PTH1R: variants seen among roughly 807,000 people sequenced by gnomAD.
The protein encoded by PTH1R is parathyroid hormone/parathyroid hormone-related peptide receptor.
PTH1R carries 32 observed loss-of-function variants against 70.7 expected under a neutral mutation model. The ratio of observed to expected loss-of-function variants is 0.45; its 90% CI spans 0.34 to 0.61. The LOEUF (loss-of-function observed/expected upper bound fraction) is 0.61. PTH1R is among the 20% of genes least tolerant of loss of function. The pLI, the probability that PTH1R is intolerant of heterozygous loss-of-function variation, is 0.01. For synonymous variants in PTH1R, 329 were observed against 324.8 expected, an observed-to-expected ratio of 1.01 and a Z score of -0.14; for missense variants, 626 against 792.5, an observed-to-expected ratio of 0.79 and a Z score of 2.52.
chr3:46,880,658 C>G (rs555046500), intron 1 of PTH1R, among the ~76,000 whole-genome samples: 1 of 151,962 alleles, frequency 6.6e-6, no homozygotes, highest in African/African-American at 2.4e-5. Flanking sequence ...GCCTGGGAAG[C>G]GGAGGTTGCA....
At position 46,902,683 on chromosome 3, in the gene PTH1R, C is replaced by A; in HGVS notation, c.1353+16C>A. On this transcript the variant is annotated intron_variant, in intron 14 of 15. Coordinates refer to ENST00000449590, the MANE Select transcript of PTH1R (RefSeq NM_000316.3). This position sits in a 1 kb window ranked among gnomAD's most constrained non-coding sequence, Gnocchi z 5.4. ...CTCCTTCCAGGTGCGCAGTGCTGGC[C>A]CGGGCCTGGCTGAGGGTGGGAGGGG... is the stretch of plus-strand genomic sequence containing the variant. The A allele has an allele frequency of 6.2e-7, 1 of 1,614,094 alleles. No homozygotes were observed.
At chr3:46,889,833 A>T (rs1481804895) in intron 3 of PTH1R, among the ~76,000 whole-genome samples, 3 of 152,136 alleles carry the variant, frequency 2.0e-5, no homozygotes, top group African/African-American at 7.2e-5. Context: ...CCTGAGACCC[A>T]AGATCTGCAG....
Position 46,902,840 on chromosome 3 carries a change from G to A in PTH1R, c.1395+50G>A. On this transcript the variant is annotated intron_variant, in intron 15 of 15. Coordinates refer to ENST00000449590, the MANE Select transcript of PTH1R (RefSeq NM_000316.3). This position sits in a 1 kb window ranked among gnomAD's most constrained non-coding sequence, Gnocchi z 5.4. ...AGGGCAGGGTGGGGCAGATACCCCA[G>A]AGGCTTCCTCAAGGCTCATTTCTCC... is the stretch of plus-strand genomic sequence containing the variant. 6.2e-7 allele frequency: 1 copy of A among 1,607,786 alleles called. No individual in the cohort carries two copies. The highest frequency in any genetic ancestry group is 2.2e-5 in the East Asian group (1 of 44,860).
intron 7 of PTH1R, 27 bp from the exon 8 acceptor site, chr3:46,898,351 G>A (rs1480852521): frequency 1.2e-6 from 2 of 1,609,992 alleles, no homozygotes; most frequent in Admixed American, 1.7e-5. Flanking sequence ...CCAGGGCTCT[G>A]ACTGTGTCTC....
At chr3:46,885,380 T>A (rs1426639837) in intron 3 of PTH1R, among the ~76,000 whole-genome samples, 3 of 152,214 alleles carry the variant, frequency 2.0e-5, no homozygotes, top group Non-Finnish European at 4.4e-5. Context: ...CTACTTGCCA[T>A]TGTTCTAAGC....
chr3:46,878,307 C>T (rs1337335387), intron 1 of PTH1R, among the ~76,000 whole-genome samples: 1 of 152,220 alleles, frequency 6.6e-6, no homozygotes, highest in South Asian at 2.1e-4. Flanking sequence ...CTAGCCATCC[C>T]CTCCCCTACT....
rs1273890920 is a variant in PTH1R at position 46,901,022 on chromosome 3, C to T, written c.989-3C>T. 2.5e-6 allele frequency: 4 copies of T among 1,581,168 alleles called. No individual in the cohort carries two copies. Among genetic ancestry groups the T allele is most frequent in the Non-Finnish European group, 3.4e-6 (4 of 1,162,086 alleles). On this transcript the variant is annotated splice_region_variant and splice_polypyrimidine_tract_variant and intron_variant, in intron 10 of 15. Transcript: ENST00000449590. This position sits in a 1 kb window ranked among gnomAD's most constrained non-coding sequence, Gnocchi z 7.3. Reference sequence around the variant, plus strand: ...TGCACACTGTCCCCCTCTGTGCCCACAGGTCTGCCCGCTGTCTTCGTGGCT... The same window carrying T: ...TGCACACTGTCCCCCTCTGTGCCCATAGGTCTGCCCGCTGTCTTCGTGGCT...
Position 46,902,403 on chromosome 3 carries a change from T to C in PTH1R, c.1212-123T>C, listed in dbSNP as rs1348267489. ...GCAGGTGAACTGGGTTGTCCTCCCA[T>C]GGTGACTGGAGCCCTGGGCCCCTTT... On this transcript the variant is annotated intron_variant, in intron 13 of 15. Transcript: ENST00000449590. The surrounding 1 kb of genome is among the most constrained non-coding windows in gnomAD (Gnocchi z 5.4). 2 of 1,328,536 alleles carry C rather than the reference T, an allele frequency of 1.5e-6. No individual in the cohort carries two copies. Among genetic ancestry groups the C allele is most frequent in the African/African-American group, 2.9e-5 (2 of 68,636 alleles). The allele number at this position is 1,328,536 out of a possible 1,614,324, so 82.3% of individuals were successfully genotyped here. A position where few individuals can be genotyped will look rare whatever the true frequency, so the allele number is the denominator to read the frequency against.
chr3:46,887,456 G>GAAA (rs771034289), intron 3 of PTH1R, among the ~76,000 whole-genome samples: 4 of 63,916 alleles, frequency 6.3e-5, no homozygotes, highest in African/African-American at 1.6e-4. Flanking sequence ...CCCTGTCTCT[G>GAAA]AAAAAAAAAA....
At chr3:46,881,755 G>A (rs910897308) in intron 2 of PTH1R, among the ~76,000 whole-genome samples, 18 of 152,074 alleles carry the variant, frequency 1.2e-4, no homozygotes, top group African/African-American at 4.3e-4. Flanking sequence ...CAGCAGCCAA[G>A]CCGGGCTCGG....
rs1196437635 is a variant in PTH1R, at chr3:46,891,447, T to G, written c.76-2460T>G. ...ACCCCCAGTCATATCAGTAGGCTGGTCTGTCTGTTGGGAGGCCCAGGGAGT... is the reference window on the plus strand; with the variant it reads ...ACCCCCAGTCATATCAGTAGGCTGGGCTGTCTGTTGGGAGGCCCAGGGAGT... On this transcript the variant is annotated intron_variant, in intron 3 of 15. Coordinates refer to ENST00000449590, the MANE Select transcript of PTH1R (RefSeq NM_000316.3). This position sits in a 1 kb window ranked among gnomAD's most constrained non-coding sequence, Gnocchi z 4.3. Among the ~76,000 whole-genome samples the G allele has an allele frequency of 6.6e-6, 1 of 152,242 alleles. No homozygotes were observed.
At position 46,893,206 on chromosome 3, in the gene PTH1R, A is replaced by C. The variant is rs1224642322; in HGVS notation, c.76-701A>C. ...CAGGAGTGAGGGCCTGAGTGTCATC[A>C]GAACTCCGAGTCTGGATGGAGGGAG... is the stretch of plus-strand genomic sequence containing the variant. On this transcript the variant is annotated intron_variant, in intron 3 of 15. Coordinates refer to ENST00000449590, the MANE Select transcript of PTH1R (RefSeq NM_000316.3). The surrounding 1 kb of genome is among the most constrained non-coding windows in gnomAD (Gnocchi z 5.2). Among the ~76,000 whole-genome samples the C allele has an allele frequency of 6.6e-6, 1 of 152,070 alleles. No individual in the cohort carries two copies. Among genetic ancestry groups the C allele is most frequent in the Non-Finnish European group, 1.5e-5 (1 of 67,996 alleles).
chr3:46,898,234 A>G (rs766868493), intron 7 of PTH1R, 42 bp downstream of exon 7: 38 of 1,602,910 alleles, frequency 2.4e-5, no homozygotes, highest in South Asian at 1.4e-4. Context: ...GGATAAATTC[A>G]CTCCCACCCC....
In PTH1R at chr3:46,898,390, C is replaced by T. The variant is rs374844210; in HGVS notation, c.556C>T (p.Arg186Cys). Reference protein sequence around the residue: ...NETREREVFDRLGMIYTVGYS... With the variant: ...NETREREVFDCLGMIYTVGYS... ...CCGCCCCGCACAGGAGGTGTTTGAC[C>T]GCCTGGGCATGATTTACACCGTGGG... Residue 186 changes from arginine to cysteine, a missense_variant, in exon 8 of 16, where the codon CGC becomes TGC. By Grantham distance (180) the Arg-to-Cys change is radical. Around this residue, in one of 3 missense-constraint regions of PTH1R, gnomAD observed 495 missense variants for 638.7 expected, o/e 0.77. Transcript: ENST00000449590. 6.2e-7 allele frequency: 1 copy of T among 1,613,908 alleles called. No individual in the cohort carries two copies. Among genetic ancestry groups the T allele is most frequent in the South Asian group, 1.1e-5 (1 of 91,052 alleles).
rs2030917697 is a variant in PTH1R at position 46,884,922 on chromosome 3, C to G, written c.75+1288C>G. Among the ~76,000 whole-genome samples the G allele has an allele frequency of 6.6e-6, 1 of 152,180 alleles. No homozygotes were observed. Among genetic ancestry groups the G allele is most frequent in the Non-Finnish European group, 1.5e-5 (1 of 68,034 alleles). ...CTTCCCACTTACCTGTGCCTACACC[C>G]TCACAATTCTGGCCCCAGCAAAGGC... is the stretch of plus-strand genomic sequence containing the variant. On this transcript the variant is annotated intron_variant, in intron 3 of 15. Transcript: ENST00000449590. This position sits in a 1 kb window ranked among gnomAD's most constrained non-coding sequence, Gnocchi z 4.8.
At position 46,897,867 on chromosome 3, in the gene PTH1R, T is replaced by C. The variant is rs1388243002; in HGVS notation, c.326T>C (p.Leu109Pro). The change falls in exon 6 of 16, where the codon CTG becomes CCG. Residue 109 changes from leucine (L) to proline (P), a missense_variant. Physicochemically the swap from Leu to Pro is moderately conservative, Grantham distance 98 (BLOSUM62 -3). This residue lies in a region of PTH1R where 8 missense variants were observed against 28.0 expected (regional missense o/e 0.29). Transcript: ENST00000449590. ...TGSRYRGRPC[L>P]PEWDHILCWP... is the part of the protein sequence containing the mutation. ...TCTCTGGGCACAGGGCGCCCCTGTC[T>C]GCCGGAATGGGACCACATCCTGTGC... 6.2e-7 allele frequency: 1 copy of C among 1,613,132 alleles called. No homozygotes were observed. The highest frequency in any genetic ancestry group is 2.2e-5 in the East Asian group (1 of 44,894).
Position 46,883,955 on chromosome 3 carries a change from G to GC in PTH1R, c.75+322dup, listed in dbSNP as rs2030845930. Among the ~76,000 whole-genome samples the GC allele has an allele frequency of 6.6e-6, 1 of 152,236 alleles. No individual in the cohort carries two copies. The highest frequency in any genetic ancestry group is 1.5e-5 in the Non-Finnish European group (1 of 68,048). On this transcript the variant is annotated intron_variant, in intron 3 of 15. Coordinates refer to ENST00000449590, the MANE Select transcript of PTH1R (RefSeq NM_000316.3). The surrounding 1 kb of genome is among the most constrained non-coding windows in gnomAD (Gnocchi z 6.4). The stretch of plus-strand genomic sequence containing the variant: ...AGATGACAGTGTGACCCAACAGAAG[G>GC]CTGGGCTTTGGCCCTGCTGCGTACT...
chr3:46,882,952 G>A lies in PTH1R; in HGVS notation c.-48-560G>A, dbSNP rs2030713814. Among the ~76,000 whole-genome samples the A allele has an allele frequency of 1.3e-5, 2 of 151,596 alleles. No individual in the cohort carries two copies. Among genetic ancestry groups the A allele is most frequent in the Admixed American group, 1.3e-4 (2 of 15,268 alleles). On this transcript the variant is annotated intron_variant, in intron 2 of 15. Transcript: ENST00000449590. The surrounding 1 kb of genome is among the most constrained non-coding windows in gnomAD (Gnocchi z 4.3). ...TCAGTGTGGCTGCAAAGTTGAGATC[G>A]CACCCCCTAACTGCACGCCCCGCGC...
At chr3:46,888,579 G>A (rs2031185748) in intron 3 of PTH1R, among the ~76,000 whole-genome samples, 1 of 152,226 alleles carries the variant, frequency 6.6e-6, no homozygotes, top group Non-Finnish European at 1.5e-5. Context: ...GCAAAATACG[G>A]TGTGATTGGG....
Sources: allele counts gnomAD v4.1 joint callset (sites outside exome capture counted in the v4.1 genomes callset), GRCh38; gene constraint gnomAD v4.1.1; regional missense constraint gnomAD v4.1.1; non-coding constraint Gnocchi (gnomAD v3.1); transcripts MANE v1.5; gene names NCBI Gene and HGNC (gene_info 2026-07-23, HGNC 2026-07-21).